ZNF106: variants seen among roughly 807,000 people sequenced by gnomAD.
ZNF106 encodes the protein SH3-domain binding protein 3.
ZNF106 carries 67 observed loss-of-function variants against 195.1 expected under a neutral mutation model. The ratio of observed to expected loss-of-function variants is 0.34; its 90% CI spans 0.28 to 0.42. ZNF106 has a LOEUF of 0.42. ZNF106 is among the 10% of genes least tolerant of loss of function. ZNF106 has a pLI of 1.00. For missense variants in ZNF106, 2,118 were observed against 2,304.5 expected, an observed-to-expected ratio of 0.92 and a Z score of 1.66; for synonymous variants, 784 against 818.6, an observed-to-expected ratio of 0.96 and a Z score of 0.72.
In ZNF106 at chr15:42,468,068, C is replaced by CTTTTTTTTTTT. The variant is rs200457966; in HGVS notation, c.55-1965_55-1955dup. Among the ~76,000 whole-genome samples the CTTTTTTTTTTT allele has an allele frequency of 2.0e-5, 2 of 102,112 alleles. 1 individual carries two copies. Among genetic ancestry groups the CTTTTTTTTTTT allele is most frequent in the African/African-American group, 8.1e-5 (2 of 24,686 alleles). The allele number at this position is 102,112 out of a possible 152,430, so 67.0% of individuals were successfully genotyped here. ...TAAACAGGGTTGTGATTCAAAACGC[C>CTTTTTTTTTTT]TTTTTTTTTTTTTTTTTTTTTTTTT... On this transcript the variant is annotated intron_variant, in intron 2 of 21. Transcript: ENST00000564754.
intron 1 of ZNF106, among the ~76,000 whole-genome samples, chr15:42,482,225 T>C (rs1487885157): frequency 6.6e-6 from 1 of 152,216 alleles, no homozygotes; most frequent in Non-Finnish European, 1.5e-5. Context: ...CCTTTACTAA[T>C]GCATAGTTAT....
chr15:42,483,418 T>C (rs796879386), intron 1 of ZNF106, among the ~76,000 whole-genome samples: 2 of 152,224 alleles, frequency 1.3e-5, no homozygotes, highest in African/African-American at 4.8e-5. Context: ...GGCCCTAGGT[T>C]TAGTGACAAA....
intron 9 of ZNF106, among the ~76,000 whole-genome samples, chr15:42,443,671 A>C (rs903086516): frequency 6.6e-6 from 1 of 152,002 alleles, no homozygotes; most frequent in Admixed American, 6.6e-5. Flanking sequence ...TCAAGGCTGC[A>C]GTGAGCCATG....
At chr15:42,440,999 ATATATAT>A (rs1161333717) in intron 10 of ZNF106, among the ~76,000 whole-genome samples, 3 of 32,174 alleles carry the variant, frequency 9.3e-5, no homozygotes, top group East Asian at 1.2e-3. Flanking sequence ...AAAAAAAAAA[ATATATAT>A]ATATATATAT....
rs1207113090 is a variant in ZNF106, at chr15:42,447,425, GA to G, written c.3135+646del. On this transcript the variant is annotated intron_variant, in intron 6 of 21. Transcript: ENST00000564754. ...GAACCCATTTTTTTTCACATTGCCA[GA>G]TCCCAGACTGTATCACTACCAGCAA... Among the ~76,000 whole-genome samples the G allele has an allele frequency of 2.0e-5, 3 of 152,014 alleles. No individual in the cohort carries two copies. In the South Asian group the frequency reaches 6.2e-4, roughly 32 times the overall value.
intron 3 of ZNF106, among the ~76,000 whole-genome samples, chr15:42,459,242 G>A (rs1024294140): frequency 2.6e-5 from 4 of 152,090 alleles, no homozygotes; most frequent in African/African-American, 9.7e-5. Context: ...TTGGGAGGCC[G>A]AGGCGGATGG....
chr15:42,467,640 C>CA (rs75569226), intron 2 of ZNF106, among the ~76,000 whole-genome samples: 168 of 141,720 alleles, frequency 1.2e-3, no homozygotes, highest in Middle Eastern at 7.1e-3. Flanking sequence ...ATACAAAATC[C>CA]AAAAAAAAAA....
chr15:42,417,051 C>A lies in ZNF106; in HGVS notation c.*253G>T, dbSNP rs965877061. ...TGGAGAACGCAAATAGCATATATCA[C>A]TATATGCCATGCTGTCCCAGAGAAG... On this transcript the variant is annotated 3_prime_UTR_variant, in exon 22 of 22. Coordinates refer to ENST00000564754, the MANE Select transcript of ZNF106 (RefSeq NM_001366845.3). 2 of 444,424 alleles carry A rather than the reference C, an allele frequency of 4.5e-6. No homozygotes were observed. 27.5% of individuals were successfully genotyped at this position (444,424 alleles called of 1,614,324 possible).
Position 42,450,413 on chromosome 15 carries a change from GTGT to G in ZNF106, c.1856_1858del (p.Asp619_Thr620delinsAla). 1 of 1,614,132 alleles carries G rather than the reference GTGT, an allele frequency of 6.2e-7. No homozygotes were observed. The highest frequency in any genetic ancestry group is 1.6e-4 in the Middle Eastern group (1 of 6,062). ...TCCAATTTTTGTTCCATGCTTTTCCGTGTCAGATGTCTCTCCATCACTTTCATC... is the reference window on the plus strand; with the variant it reads ...TCCAATTTTTGTTCCATGCTTTTCCGCAGATGTCTCTCCATCACTTTCATC... On this transcript the variant is annotated inframe_deletion, in exon 5 of 22. Coordinates refer to ENST00000564754, the MANE Select transcript of ZNF106 (RefSeq NM_001366845.3).
intron 15 of ZNF106, among the ~76,000 whole-genome samples, chr15:42,426,738 A>T (rs2054874187): frequency 6.6e-6 from 1 of 152,068 alleles, no homozygotes; most frequent in African/African-American, 2.4e-5. Flanking sequence ...CACGAAAGAG[A>T]AGGTAATTAG....
rs562861116 is a variant in ZNF106 at position 42,416,259 on chromosome 15, G to C, written c.*1045C>G. The stretch of plus-strand genomic sequence containing the variant: ...ACAAGTCTCTAGGAAGTCTGCTTGA[G>C]GTCCTGAAAACTGTATTCAGATGCT... On this transcript the variant is annotated 3_prime_UTR_variant, in exon 22 of 22. Transcript: ENST00000564754. 1 of 151,736 alleles carries C rather than the reference G, an allele frequency of 6.6e-6. No homozygotes were observed. Among genetic ancestry groups the C allele is most frequent in the Non-Finnish European group, 1.5e-5 (1 of 68,072 alleles). 9.4% of individuals were successfully genotyped at this position (151,736 alleles called of 1,614,324 possible).
intron 13 of ZNF106, among the ~76,000 whole-genome samples, 183 bp downstream of exon 13, chr15:42,437,049 G>C (rs2055303216): frequency 6.6e-6 from 1 of 152,160 alleles, no homozygotes; most frequent in South Asian, 2.1e-4. Flanking sequence ...AGAGTAGGGA[G>C]ACAAAAAGAA....
chr15:42,479,118 A>G (rs2056846340), intron 1 of ZNF106, among the ~76,000 whole-genome samples: 1 of 152,206 alleles, frequency 6.6e-6, no homozygotes, highest in African/African-American at 2.4e-5. Flanking sequence ...TCACGTCTAT[A>G]ATCCCAGTAC....
chr15:42,423,294 T>C (rs1344013760), intron 17 of ZNF106, among the ~76,000 whole-genome samples: 1 of 151,272 alleles, frequency 6.6e-6, no homozygotes, highest in East Asian at 2.0e-4. Context: ...CCCTTGAGCC[T>C]AGGAGGTTGA....
chr15:42,437,235 C>G lies in ZNF106; in HGVS notation c.4743G>C (p.Leu1581=). ...SADKTVRVYN[L]VSRKCIGVFE... is the part of the protein sequence containing the mutation. ...TCTACATGTTCTATCAACTTACCAC[C>G]AGATTATAAACCCGAACAGTTTTAT... Residue 1581 remains leucine, a synonymous_variant, in exon 13 of 22, where the codon CTG becomes CTC. Transcript: ENST00000564754. 6.2e-7 allele frequency: 1 copy of G among 1,610,204 alleles called. No individual in the cohort carries two copies.
At chr15:42,418,007 C>T (rs1456672973) in intron 20 of ZNF106, 56 bp from the exon 21 acceptor site, 2 of 1,567,752 alleles carry the variant, frequency 1.3e-6, no homozygotes, top group African/African-American at 1.4e-5. Flanking sequence ...GAACGTGAAT[C>T]AGAACAGCCC....
chr15:42,419,043 T>C (rs958415572), intron 20 of ZNF106, among the ~76,000 whole-genome samples: 2 of 136,290 alleles, frequency 1.5e-5, no homozygotes, highest in African/African-American at 5.6e-5. Context: ...CTGGGCAACA[T>C]AGTGAGACCC....
At chr15:42,444,162 C>T (rs367878746) in intron 9 of ZNF106, 40 bp downstream of exon 9, 36 of 1,135,412 alleles carry the variant, frequency 3.2e-5, no homozygotes, top group South Asian at 9.1e-5. Flanking sequence ...AAAAGTAACA[C>T]GCTATAGAGG....
At chr15:42,459,033 T>A (rs560171726) in intron 3 of ZNF106, among the ~76,000 whole-genome samples, 3 of 152,272 alleles carry the variant, frequency 2.0e-5, no homozygotes, top group East Asian at 3.9e-4. Context: ...CTGACATTTT[T>A]AAGATTCATT....
Sources: gnomAD v4.1 joint callset for allele counts (sites outside exome capture counted in the v4.1 genomes callset) on GRCh38, gnomAD v4.1.1 for gene constraint, MANE v1.5 for transcripts, NCBI Gene and HGNC (gene_info 2026-07-23, HGNC 2026-07-21) for gene names.